The following KIAA1210 variants were observed in gnomAD, a reference collection of about 807,000 sequenced individuals.
KIAA1210 encodes acrosomal protein KIAA1210.
KIAA1210 carries 48 observed loss-of-function variants against 78.9 expected under a neutral mutation model. That is an observed-to-expected ratio of 0.61 (90% CI 0.48 to 0.77). KIAA1210 has a LOEUF of 0.77. Ranked by LOEUF, KIAA1210 falls within the 30% of genes least tolerant of loss-of-function variation. The probability of loss-of-function intolerance (pLI) is 0.00; values close to 1 mark genes in which losing one functional copy is unlikely to be tolerated. For missense variants in KIAA1210, 1,108 were observed against 1,100.0 expected (o/e 1.01, Z -0.10); for synonymous variants, 406 against 404.5 (o/e 1.00, Z -0.04).
intron 2 of KIAA1210, among the ~76,000 whole-genome samples, chrX:119,136,663 CA>C (rs994435862): frequency 9.1e-5 from 10 of 109,584 alleles, no homozygotes; most frequent in South Asian, 4.0e-4. Flanking sequence ...CCCATCTCTA[CA>C]AAAAAAAATT....
rs1371746929 is a variant in KIAA1210 at position 119,089,170 on chromosome X, A to G, written c.1532T>C (p.Val511Ala). ...STTQEEAILS[V>A]AAEAQVFMNP... ...CATAAACACCTGAGCCTCTGCTGCT[A>G]CTGAGAGAATGGCCTCCTCTTGGGT... Residue 511 changes from valine to alanine, a missense_variant, in exon 9 of 12, where the codon GTA becomes GCA. Around this residue, in one of 5 missense-constraint regions of KIAA1210, gnomAD observed 672 missense variants for 607.1 expected, o/e 1.11. Transcript: ENST00000691062. 9 of 1,210,506 alleles carry G rather than the reference A, an allele frequency of 7.4e-6. No individual in the cohort carries two copies. In the East Asian group the frequency reaches 1.2e-4, roughly 16 times the overall value.
At chrX:119,138,211 G>GTTTTTTTT (rs759946882) in intron 2 of KIAA1210, among the ~76,000 whole-genome samples, 12 of 47,843 alleles carry the variant, frequency 2.5e-4, no homozygotes, top group South Asian at 1.7e-3. Flanking sequence ...TGGTTTGGTT[G>GTTTTTTTT]TTTTTTTTTT....
In KIAA1210 at chrX:119,116,630, G is replaced by T. The variant is rs1446533413; in HGVS notation, c.96C>A (p.Ser32Arg). ...KKKCKFKALK[S>R]FFVKKKEKEA... ...CTTTTTCCTTCTTCTTAACAAAAAA[G>T]CTCTTAAGGGCTTTAAATTTGCATT... is the stretch of plus-strand genomic sequence containing the variant. The change falls in exon 3 of 12, where the codon AGC (serine) becomes AGA (arginine). Residue 32 changes from serine to arginine, a missense_variant. Physicochemically the swap from Ser to Arg is moderately radical, Grantham distance 110. Coordinates refer to ENST00000691062, the MANE Select transcript of KIAA1210 (RefSeq NM_001394962.1). 1 of 1,203,903 alleles carries T rather than the reference G, an allele frequency of 8.3e-7. No individual in the cohort carries two copies.
chrX:119,116,809 A>T, intron 2 of KIAA1210, 145 bp from the exon 3 acceptor site: 1 of 468,733 alleles, frequency 2.1e-6, no homozygotes, highest in Non-Finnish European at 3.6e-6. Context: ...TGCTGACAGC[A>T]CCCTTCAACA....
At chrX:119,119,975 C>CAAAAAAAAAAAAAA (rs11342308) in intron 2 of KIAA1210, among the ~76,000 whole-genome samples, 1 of 35,792 alleles carries the variant, frequency 2.8e-5, no homozygotes, top group Non-Finnish European at 6.3e-5. Flanking sequence ...GACTCCATCT[C>CAAAAAAAAAAAAAA]AAAAAAAAAA....
intron 8 of KIAA1210, among the ~76,000 whole-genome samples, chrX:119,093,402 A>G (rs1290367893): frequency 8.9e-6 from 1 of 112,138 alleles, no homozygotes; most frequent in African/African-American, 3.2e-5. Flanking sequence ...CACAAACAAA[A>G]CACCTCTCTT....
chrX:119,108,158 G>A (rs1927946910), intron 5 of KIAA1210, among the ~76,000 whole-genome samples, 179 bp downstream of exon 5: 1 of 111,538 alleles, frequency 9.0e-6, no homozygotes, highest in African/African-American at 3.3e-5. Context: ...ATCCTCACAA[G>A]CAACCCTTTG....
chrX:119,127,246 T>C (rs1216390586), intron 1 of KIAA1210, among the ~76,000 whole-genome samples: 1 of 108,403 alleles, frequency 9.2e-6, no homozygotes, highest in East Asian at 2.9e-4. Context: ...GAGAAGCCTG[T>C]GGGAAAAAAA....
intron 1 of KIAA1210, among the ~76,000 whole-genome samples, chrX:119,125,735 ATT>A (rs1163974116): frequency 1.1e-3 from 18 of 15,792 alleles, no homozygotes; most frequent in Admixed American, 2.9e-3. Flanking sequence ...ATATATATAT[ATT>A]TTTTTTTTTT....
chrX:119,081,312 C>T lies in KIAA1210; in HGVS notation c.*17G>A, dbSNP rs770952247. On this transcript the variant is annotated 3_prime_UTR_variant, in exon 12 of 12. Coordinates refer to ENST00000691062, the MANE Select transcript of KIAA1210 (RefSeq NM_001394962.1). Reference sequence around the variant, plus strand: ...AAACTAAATAAAATAAATGCTGATGCTCCACACAAGAGCTCTTTATTGCGT... The same window carrying T: ...AAACTAAATAAAATAAATGCTGATGTTCCACACAAGAGCTCTTTATTGCGT... 5.6e-6 allele frequency: 6 copies of T among 1,066,778 alleles called. No individual in the cohort carries two copies. The South Asian group carries it at 1.4e-4, about 25-fold the overall frequency. The allele number at this position is 1,066,778 out of a possible 1,213,427, so 87.9% of individuals were successfully genotyped here. A position where few individuals can be genotyped will look rare whatever the true frequency, so the allele number is the denominator to read the frequency against.
intron 6 of KIAA1210, among the ~76,000 whole-genome samples, chrX:119,098,436 C>T (rs1398928406): frequency 9.0e-6 from 1 of 110,745 alleles, no homozygotes; most frequent in Non-Finnish European, 1.9e-5. Context: ...GAAACTCTGT[C>T]TCTACAAAAA....
Position 119,089,078 on chromosome X carries a change from T to C in KIAA1210, c.1624A>G (p.Lys542Glu). 2.5e-6 allele frequency: 3 copies of C among 1,212,163 alleles called. No homozygotes were observed. The highest frequency in any genetic ancestry group is 3.4e-6 in the Non-Finnish European group (3 of 895,470). ...TGAACATCCTGGGCTGACTCCATTT[T>C]GGATTGGGCCTTTTGTAAATCAAAG... ...FSFDLQKAQS[K>E]MESAQDVQTI... Residue 542 changes from lysine to glutamate, a missense_variant, in exon 9 of 12, where the codon AAA becomes GAA. This residue lies in a region of KIAA1210 where 672 missense variants were observed against 607.1 expected (regional missense o/e 1.11). Coordinates refer to ENST00000691062, the MANE Select transcript of KIAA1210 (RefSeq NM_001394962.1).
chrX:119,150,357 C>G, exon 1 of KIAA1210: 1 of 1,209,318 alleles, frequency 8.3e-7, no homozygotes, highest in Non-Finnish European at 1.1e-6. Context: ...CTAGGTATTT[C>G]CAGGTCAGTC....
At position 119,087,556 on chromosome X, in the gene KIAA1210, G is replaced by A. The variant is rs772816619; in HGVS notation, c.3146C>T (p.Pro1049Leu). 3.5e-5 allele frequency: 42 copies of A among 1,209,780 alleles called. No homozygotes were observed. Among genetic ancestry groups the A allele is most frequent in the Admixed American group, 1.5e-4 (7 of 45,744 alleles). Residue 1049 changes from proline to leucine, a missense_variant, in exon 9 of 12, where the codon CCT becomes CTT. Coordinates refer to ENST00000691062, the MANE Select transcript of KIAA1210 (RefSeq NM_001394962.1). ...TTCAGGCTTTGATAAAGATTTGGAA[G>A]GAAGATTGGGAGGCAGAGGTGCCAC... ...SDVAPLPPNL[P>L]SKSLSKPEVK...
chrX:119,135,159 T>A (rs1928882561), intron 2 of KIAA1210, among the ~76,000 whole-genome samples: 1 of 111,701 alleles, frequency 9.0e-6, no homozygotes, highest in Non-Finnish European at 1.9e-5. Context: ...CAGTTCTGGA[T>A]TTTAAAGCCC....
chrX:119,093,951 G>A (rs1375776730), intron 7 of KIAA1210, 176 bp from the exon 8 acceptor site: 1 of 986,550 alleles, frequency 1.0e-6, no homozygotes, highest in East Asian at 3.0e-5. Context: ...TAATGGAATT[G>A]TTTCCACCAA....
intron 2 of KIAA1210, among the ~76,000 whole-genome samples, chrX:119,122,697 C>G (rs1301963789): frequency 8.9e-6 from 1 of 111,894 alleles, no homozygotes; most frequent in Admixed American, 9.5e-5. Flanking sequence ...AGTGCCTAAT[C>G]TCTTTCTCTC....
chrX:119,115,264 A>G (rs1419426165), intron 3 of KIAA1210, among the ~76,000 whole-genome samples: 1 of 110,197 alleles, frequency 9.1e-6, no homozygotes, highest in African/African-American at 3.3e-5. Context: ...TCAGGTTCAC[A>G]TGTGCACACA....
At chrX:119,081,867 T>C (rs1044644129) in intron 11 of KIAA1210, among the ~76,000 whole-genome samples, 1 of 112,735 alleles carries the variant, frequency 8.9e-6, no homozygotes. Flanking sequence ...ACTTAGTTTC[T>C]AAAATTTCAG....
Sources: gnomAD v4.1 joint callset for allele counts (sites outside exome capture counted in the v4.1 genomes callset) on GRCh38, gnomAD v4.1.1 for gene constraint, gnomAD v4.1.1 regional missense constraint, MANE v1.5 for transcripts, NCBI Gene and HGNC (gene_info 2026-07-23, HGNC 2026-07-21) for gene names.